The following NPAP1 variants were observed in gnomAD, a reference collection of about 807,000 sequenced individuals.
NPAP1 encodes nuclear pore-associated protein 1.
For missense variants in NPAP1, 1,483 were observed against 1,454.5 expected (o/e 1.02, Z -0.32); for synonymous variants, 616 against 581.4 (o/e 1.06, Z -0.86).
chr15:24,678,106 A>AGTTT, the NPAP1 span: 2 of 1,613,528 alleles, frequency 1.2e-6, no homozygotes, highest in Non-Finnish European at 8.5e-7. Context: ...AGGCTCCACC[A>AGTTT]GTTTGCCTGC....
At position 24,676,097 on chromosome 15, in the gene NPAP1, C is replaced by T. The variant is rs1233650819; in HGVS notation, c.230C>T (p.Ala77Val). ...AAGAGGCCGTGTCCTCTCCCTCGGGCTGCGGCCGCCCCTCTGGGGGTCCTG... is the reference window on the plus strand; with the variant it reads ...AAGAGGCCGTGTCCTCTCCCTCGGGTTGCGGCCGCCCCTCTGGGGGTCCTG... ...APKRPCPLPR[A>V]AAAPLGVLPA... The change falls in exon 1 of 1, where the codon GCT becomes GTT. Residue 77 changes from alanine to valine, a missense_variant. Physicochemically the swap from Ala to Val is moderately conservative, Grantham distance 64 (BLOSUM62 0). Transcript: ENST00000329468. 1 of 1,561,470 alleles carries T rather than the reference C, an allele frequency of 6.4e-7. No individual in the cohort carries two copies. The highest frequency in any genetic ancestry group is 8.6e-7 in the Non-Finnish European group (1 of 1,157,094).
At position 24,678,781 on chromosome 15, in the gene NPAP1, T is replaced by A. The variant is rs2141313446; in HGVS notation, c.2914T>A (p.Phe972Ile). Residue 972 changes from phenylalanine (F) to isoleucine (I), a missense_variant, in exon 1 of 1, where the codon TTC becomes ATC. By Grantham distance (21) the Phe-to-Ile change is conservative. Coordinates refer to ENST00000329468, the MANE Select transcript of NPAP1 (RefSeq NM_018958.3). The part of the protein sequence containing the change: ...EPVEGHNASA[F>I]PNGTAKTSGF... Reference sequence around the variant, plus strand: ...AGTCGAGGGTCACAATGCAAGTGCTTTCCCCAATGGCACAGCAAAGACTTC... The same window carrying A: ...AGTCGAGGGTCACAATGCAAGTGCTATCCCCAATGGCACAGCAAAGACTTC... The A allele has an allele frequency of 6.2e-7, 1 of 1,614,208 alleles. No individual in the cohort carries two copies. The highest frequency in any genetic ancestry group is 8.5e-7 in the Non-Finnish European group (1 of 1,180,030).
rs143728288 is a variant in NPAP1, at chr15:24,677,596, A to G, written c.1729A>G (p.Asn577Asp). Residue 577 changes from asparagine (N) to aspartate (D), a missense_variant, in exon 1 of 1, where the codon AAT (asparagine) becomes GAT (aspartate). By Grantham distance (23) the Asn-to-Asp change is conservative. Transcript: ENST00000329468. ...GACTGCGGTAGACCCTGAAGTAGTTAATATGGATACTACTGCCCCATCTCA... is the reference window on the plus strand; with the variant it reads ...GACTGCGGTAGACCCTGAAGTAGTTGATATGGATACTACTGCCCCATCTCA... ...SQTAVDPEVV[N>D]MDTTAPSQVV... 357 of 1,614,076 alleles carry G rather than the reference A, an allele frequency of 2.2e-4. 3 individuals carry two copies. Among genetic ancestry groups the G allele is most frequent in the Admixed American group, 5.0e-4 (30 of 60,004 alleles).
rs2141308390 is a variant in NPAP1 at position 24,676,614 on chromosome 15, C to G, written c.747C>G (p.Ala249=). ...MPSTHSQAGC[A]RHLGKPDPDA... ...GCACACACAGCCAGGCCGGATGTGC[C>G]CGGCATCTTGGAAAGCCTGATCCGG... The change falls in exon 1 of 1, where the codon GCC becomes GCG. Residue 249 remains alanine (A), a synonymous_variant. Coordinates refer to ENST00000329468, the MANE Select transcript of NPAP1 (RefSeq NM_018958.3). The G allele has an allele frequency of 6.2e-7, 1 of 1,613,906 alleles. No individual in the cohort carries two copies. The highest frequency in any genetic ancestry group is 8.5e-7 in the Non-Finnish European group (1 of 1,179,926).
Position 24,678,669 on chromosome 15 carries a change from G to A in NPAP1, c.2802G>A (p.Gln934=), listed in dbSNP as rs2141313169. ...PVIGLTSPSV[Q]PLSGSIIPPG... ...TAGGCTTAACATCTCCTTCAGTCCAGCCACTGAGTGGCAGCATAATTCCAC... is the reference window on the plus strand; with the variant it reads ...TAGGCTTAACATCTCCTTCAGTCCAACCACTGAGTGGCAGCATAATTCCAC... Residue 934 remains glutamine (Q), a synonymous_variant, in exon 1 of 1, where the codon CAG becomes CAA. Transcript: ENST00000329468. The A allele has an allele frequency of 6.2e-7, 1 of 1,614,128 alleles. No individual in the cohort carries two copies. The highest frequency in any genetic ancestry group is 8.5e-7 in the Non-Finnish European group (1 of 1,180,040).
rs1410524056 is a variant in NPAP1, at chr15:24,676,062, C to T, written c.195C>T (p.Phe65=). 1.9e-6 allele frequency: 3 copies of T among 1,578,362 alleles called. No homozygotes were observed. Among genetic ancestry groups the T allele is most frequent in the Non-Finnish European group, 2.6e-6 (3 of 1,166,070 alleles). The change falls in exon 1 of 1, where the codon TTC becomes TTT. Residue 65 remains phenylalanine, a synonymous_variant. Transcript: ENST00000329468. ...ARRRPSAASI[F]VAPKRPCPLP... is the part of the protein sequence containing the mutation. Reference sequence around the variant, plus strand: ...GCAGGCCTTCAGCAGCCAGCATCTTCGTCGCCCCTAAGAGGCCGTGTCCTC... The same window carrying T: ...GCAGGCCTTCAGCAGCCAGCATCTTTGTCGCCCCTAAGAGGCCGTGTCCTC...
rs1230863880 is a variant in NPAP1 at position 24,679,098 on chromosome 15, T to G, written c.3231T>G (p.Pro1077=). ...AAAPQGASNI[P]VFGYTSAAAY... Reference sequence around the variant, plus strand: ...CACCACAAGGGGCTAGCAACATTCCTGTATTTGGATATACTTCTGCTGCCG... The same window carrying G: ...CACCACAAGGGGCTAGCAACATTCCGGTATTTGGATATACTTCTGCTGCCG... The change falls in exon 1 of 1, where the codon CCT becomes CCG. Residue 1077 remains proline (P), a synonymous_variant. Coordinates refer to ENST00000329468, the MANE Select transcript of NPAP1 (RefSeq NM_018958.3). 6.2e-7 allele frequency: 1 copy of G among 1,614,218 alleles called. No homozygotes were observed. Among genetic ancestry groups the G allele is most frequent in the South Asian group, 1.1e-5 (1 of 91,086 alleles).
In NPAP1 at chr15:24,677,416, A is replaced by G. The variant is rs769050595; in HGVS notation, c.1549A>G (p.Ile517Val). 1.1e-5 allele frequency: 18 copies of G among 1,613,812 alleles called. No homozygotes were observed. The highest frequency in any genetic ancestry group is 1.7e-5 in the Admixed American group (1 of 59,980). Residue 517 changes from isoleucine to valine, a missense_variant, in exon 1 of 1, where the codon ATA (isoleucine) becomes GTA (valine). Coordinates refer to ENST00000329468, the MANE Select transcript of NPAP1 (RefSeq NM_018958.3). ...FKPPVTRESP[I>V]SMCVDSPPPL... ...GCCTCCCGTCACAAGGGAGTCCCCA[A>G]TATCTATGTGTGTGGATTCCCCTCC...
At position 24,677,197 on chromosome 15, in the gene NPAP1, C is replaced by G. The variant is rs1203429980; in HGVS notation, c.1330C>G (p.Leu444Val). ...TGPLILPIPP[L>V]STTPKMDEKI... Reference sequence around the variant, plus strand: ...ACCCCTCATCCTGCCTATCCCTCCACTTTCCACCACACCAAAAATGGATGA... The same window carrying G: ...ACCCCTCATCCTGCCTATCCCTCCAGTTTCCACCACACCAAAAATGGATGA... Residue 444 changes from leucine (L) to valine (V), a missense_variant, in exon 1 of 1, where the codon CTT becomes GTT. Coordinates refer to ENST00000329468, the MANE Select transcript of NPAP1 (RefSeq NM_018958.3). 1 of 1,614,004 alleles carries G rather than the reference C, an allele frequency of 6.2e-7. No individual in the cohort carries two copies. Among genetic ancestry groups the G allele is most frequent in the Non-Finnish European group, 8.5e-7 (1 of 1,180,050 alleles).
rs754053840 is a variant in NPAP1, at chr15:24,677,063, C to T, written c.1196C>T (p.Pro399Leu). The stretch of plus-strand genomic sequence containing the variant: ...AACAGCAGCATCACCCAGCCTGCCC[C>T]TTCTTTCTCCCAACCTGTGCAGACC... ...MTNSSITQPA[P>L]SFSQPVQTTD... Residue 399 changes from proline (P) to leucine (L), a missense_variant, in exon 1 of 1, where the codon CCT becomes CTT. Transcript: ENST00000329468. 6.2e-7 allele frequency: 1 copy of T among 1,614,066 alleles called. No individual in the cohort carries two copies. Among genetic ancestry groups the T allele is most frequent in the African/African-American group, 1.3e-5 (1 of 75,010 alleles).
chr15:24,676,885 C>T lies in NPAP1; in HGVS notation c.1018C>T (p.Pro340Ser), dbSNP rs1322591253. The change falls in exon 1 of 1, where the codon CCT becomes TCT. Residue 340 changes from proline to serine, a missense_variant. Physicochemically the swap from Pro to Ser is moderately conservative, Grantham distance 74 (BLOSUM62 -1). Transcript: ENST00000329468. The stretch of plus-strand genomic sequence containing the variant: ...GATTCCATTGCTGCTGCCGCTGCCC[C>T]CTTCACTGCCATTGCTGTGGGATCG... ...MSIPLLLPLP[P>S]SLPLLWDRGE... is the part of the protein sequence containing the mutation. The T allele has an allele frequency of 2.5e-6, 4 of 1,613,600 alleles. No individual in the cohort carries two copies. In the Admixed American group the frequency reaches 6.7e-5, roughly 27 times the overall value.
Position 24,679,379 on chromosome 15 carries a change from GT to G in NPAP1, c.*43del. On this transcript the variant is annotated 3_prime_UTR_variant, in exon 1 of 1. Transcript: ENST00000329468. Reference sequence around the variant, plus strand: ...ACCTGATCACACCACATCAGTTGTGGTTGTAAATACCAGCATTATCCTTTTG... The same window carrying G: ...ACCTGATCACACCACATCAGTTGTGGTGTAAATACCAGCATTATCCTTTTG... 3.6e-6 allele frequency: 5 copies of G among 1,389,500 alleles called. No homozygotes were observed. The highest frequency in any genetic ancestry group is 5.1e-6 in the Non-Finnish European group (5 of 990,080). 86.1% of individuals were successfully genotyped at this position (1,389,500 alleles called of 1,614,324 possible).
In NPAP1 at chr15:24,677,920, G is replaced by T. The variant is rs1250546892; in HGVS notation, c.2053G>T (p.Ala685Ser). 5 of 1,613,212 alleles carry T rather than the reference G, an allele frequency of 3.1e-6. No homozygotes were observed. Among genetic ancestry groups the T allele is most frequent in the Non-Finnish European group, 4.2e-6 (5 of 1,179,920 alleles). ...PPDTSTLVNS[A>S]STASSSKPPI... ...AGACACCTCCACTTTAGTGAACAGT[G>T]CCTCTACAGCATCATCATCCAAACC... Residue 685 changes from alanine to serine, a missense_variant, in exon 1 of 1, where the codon GCC becomes TCC. Transcript: ENST00000329468.
chr15:24,677,263 C>T lies in NPAP1; in HGVS notation c.1396C>T (p.Pro466Ser), dbSNP rs1381616838. ...AATCCCTAACTCTCCTCTGGCTCTTCCTGCTGACCTTGTTCCCATTTTGGG... is the reference window on the plus strand; with the variant it reads ...AATCCCTAACTCTCCTCTGGCTCTTTCTGCTGACCTTGTTCCCATTTTGGG... ...FTIPNSPLALPADLVPILGDQ... is the reference protein window; with the variant it reads ...FTIPNSPLALSADLVPILGDQ... The change falls in exon 1 of 1, where the codon CCT becomes TCT. Residue 466 changes from proline to serine, a missense_variant. Transcript: ENST00000329468. 2 of 1,614,022 alleles carry T rather than the reference C, an allele frequency of 1.2e-6. No homozygotes were observed. Among genetic ancestry groups the T allele is most frequent in the East Asian group, 2.2e-5 (1 of 44,872 alleles).
chr15:24,678,398 A>G lies in NPAP1; in HGVS notation c.2531A>G (p.Lys844Arg). Residue 844 changes from lysine (K) to arginine (R), a missense_variant, in exon 1 of 1, where the codon AAG becomes AGG. Coordinates refer to ENST00000329468, the MANE Select transcript of NPAP1 (RefSeq NM_018958.3). ...TTGCAGTCTACCTTTGTCTCCAGGA[A>G]GGAGGAGTACATCCGATTTTATATG... is the stretch of plus-strand genomic sequence containing the variant. The part of the protein sequence containing the change: ...VILQSTFVSR[K>R]EEYIRFYMGL... 6.2e-7 allele frequency: 1 copy of G among 1,613,742 alleles called. No individual in the cohort carries two copies. The highest frequency in any genetic ancestry group is 8.5e-7 in the Non-Finnish European group (1 of 1,179,958).
chr15:24,677,339 C>A lies in NPAP1; in HGVS notation c.1472C>A (p.Ala491Glu), dbSNP rs138683847. The change falls in exon 1 of 1, where the codon GCG (alanine) becomes GAG (glutamate). Residue 491 changes from alanine (A) to glutamate (E), a missense_variant. Physicochemically the swap from Ala to Glu is moderately radical, Grantham distance 107. Transcript: ENST00000329468. ...GGSYNSVVGA[A>E]PLTSDPPTPP... ...TCTTATAATTCAGTCGTAGGAGCAG[C>A]GCCTCTCACTTCTGACCCCCCAACA... 1.2e-6 allele frequency: 2 copies of A among 1,614,056 alleles called. No individual in the cohort carries two copies. The highest frequency in any genetic ancestry group is 1.7e-6 in the Non-Finnish European group (2 of 1,179,978).
Position 24,678,934 on chromosome 15 carries a change from A to G in NPAP1, c.3067A>G (p.Ser1023Gly), listed in dbSNP as rs762162226. Residue 1023 changes from serine to glycine, a missense_variant, in exon 1 of 1, where the codon AGC (serine) becomes GGC (glycine). Ser to Gly is a moderately conservative substitution (Grantham distance 56). Transcript: ENST00000329468. ...TPMDGGSIGF[S>G]MSAPGPSSTS... ...TATGGATGGTGGGAGCATTGGGTTC[A>G]GCATGTCTGCCCCAGGCCCCAGTTC... 2 of 1,614,166 alleles carry G rather than the reference A, an allele frequency of 1.2e-6. No homozygotes were observed. The highest frequency in any genetic ancestry group is 1.7e-6 in the Non-Finnish European group (2 of 1,180,046).
rs201894790 is a variant in NPAP1, at chr15:24,679,123, G to A, written c.3256G>A (p.Ala1086Thr). 34 of 1,614,064 alleles carry A rather than the reference G, an allele frequency of 2.1e-5. No homozygotes were observed. The highest frequency in any genetic ancestry group is 8.9e-5 in the East Asian group (4 of 44,886). Residue 1086 changes from alanine to threonine, a missense_variant, in exon 1 of 1, where the codon GCC becomes ACC. By Grantham distance (58) the Ala-to-Thr change is moderately conservative (BLOSUM62 0). Coordinates refer to ENST00000329468, the MANE Select transcript of NPAP1 (RefSeq NM_018958.3). Reference protein sequence around the residue: ...IPVFGYTSAAAYIPGLDPPTQ... With the variant: ...IPVFGYTSAATYIPGLDPPTQ... The stretch of plus-strand genomic sequence containing the variant: ...TGTATTTGGATATACTTCTGCTGCC[G>A]CCTACATTCCTGGTTTAGACCCACC...
In NPAP1 at chr15:24,677,931, A is replaced by G. The variant is rs2141311452; in HGVS notation, c.2064A>G (p.Ala688=). 1 of 1,613,302 alleles carries G rather than the reference A, an allele frequency of 6.2e-7. No homozygotes were observed. Among genetic ancestry groups the G allele is most frequent in the Admixed American group, 1.7e-5 (1 of 59,914 alleles). ...CTTTAGTGAACAGTGCCTCTACAGC[A>G]TCATCATCCAAACCTCCCATTGAAA... ...TSTLVNSAST[A]SSSKPPIETN... Residue 688 remains alanine (A), a synonymous_variant, in exon 1 of 1, where the codon GCA becomes GCG. Coordinates refer to ENST00000329468, the MANE Select transcript of NPAP1 (RefSeq NM_018958.3).
Sources: gnomAD v4.1 joint callset for allele counts on GRCh38, gnomAD v4.1.1 for gene constraint, MANE v1.5 for transcripts, NCBI Gene and HGNC (gene_info 2026-07-23, HGNC 2026-07-21) for gene names.